Variants in PDS5B observed in about 807,000 individuals in gnomAD.
PDS5B encodes the protein PDS5 cohesin associated factor B.
In PDS5B, 51 loss-of-function variants were observed where a neutral mutation model predicts 184.1. The observed-to-expected ratio is 0.28, with a 90% CI of 0.22 to 0.35. The LOEUF is 0.35. Among genes scored for constraint, PDS5B ranks in the 10% least tolerant of loss-of-function variants. The probability of loss-of-function intolerance (pLI) is 1.00; values close to 1 mark genes in which losing one functional copy is unlikely to be tolerated. For missense variants in PDS5B, 1,180 were observed against 1,723.3 expected, an observed-to-expected ratio of 0.68 and a Z score of 5.58; for synonymous variants, 566 against 569.2, an observed-to-expected ratio of 0.99 and a Z score of 0.08.
Position 32,774,597 on chromosome 13 carries a change from A to C in PDS5B, c.4309-420A>C, listed in dbSNP as rs117117429. ...TTTTAGGTTATTTTACTGTATTGAT[A>C]ATTGTTAAGATCCAAACTCAGTAAC... is the stretch of plus-strand genomic sequence containing the variant. On this transcript the variant is annotated intron_variant, in intron 34 of 34. Transcript: ENST00000315596. Among the ~76,000 whole-genome samples the C allele has an allele frequency of 3.2e-4, 48 of 152,340 alleles. No individual in the cohort carries two copies. In the East Asian group the frequency reaches 6.2e-3, roughly 20 times the overall value.
chr13:32,663,862 G>A lies in PDS5B; in HGVS notation c.625-3902G>A, dbSNP rs141420101. Among the ~76,000 whole-genome samples, 88 of 152,128 alleles carry A rather than the reference G, an allele frequency of 5.8e-4. 3 individuals carry two copies. The East Asian group carries it at 0.016, about 28-fold the overall frequency. ...CCAATGTGTACACAATGTGTTTTTT[G>A]TCTCTTGTTCCCTCTCTGCCTTCTG... On this transcript the variant is annotated intron_variant, in intron 6 of 34. Transcript: ENST00000315596.
intron 10 of PDS5B, among the ~76,000 whole-genome samples, chr13:32,682,432 CACATA>C (rs1021373867): frequency 6.6e-6 from 1 of 152,138 alleles, no homozygotes; most frequent in African/African-American, 2.4e-5. Flanking sequence ...TGGCTGCTTT[CACATA>C]ACATGTTTTT....
Position 32,635,187 on chromosome 13 carries a change from T to G in PDS5B, c.-19-13567T>G, listed in dbSNP as rs1181862827. ...CCAATTACGTTTTTTTTTTTTTTTT[T>G]TTTTTTTTTTTTTTTTTTTTTTTTT... On this transcript the variant is annotated intron_variant, in intron 1 of 34. Coordinates refer to ENST00000315596, the MANE Select transcript of PDS5B (RefSeq NM_015032.4). Among the ~76,000 whole-genome samples the G allele has an allele frequency of 4.0e-3, 60 of 14,996 alleles. 1 individual carries two copies. The highest frequency in any genetic ancestry group is 6.8e-3 in the Admixed American group (8 of 1,176). 9.8% of individuals were successfully genotyped at this position (14,996 alleles called of 152,430 possible).
At chr13:32,706,422 T>C (rs7326314) in intron 17 of PDS5B, among the ~76,000 whole-genome samples, 56,269 of 151,962 alleles carry the variant, frequency 0.37, 11,038 homozygotes, top group Non-Finnish European at 0.44. Context: ...AATGAGGTTT[T>C]ATTGTATGTC....
chr13:32,757,351 T>C (rs1247771213), intron 26 of PDS5B, among the ~76,000 whole-genome samples: 4 of 152,148 alleles, frequency 2.6e-5, no homozygotes, highest in African/African-American at 7.2e-5. Flanking sequence ...GAAGAACTTA[T>C]CCTATACCTA....
chr13:32,721,170 C>T lies in PDS5B; in HGVS notation c.2124-10931C>T, dbSNP rs190339841. On this transcript the variant is annotated intron_variant, in intron 19 of 34. Coordinates refer to ENST00000315596, the MANE Select transcript of PDS5B (RefSeq NM_015032.4). ...TGAGCTGTTGGGTACACCTCCCAGA[C>T]GGCGTGGTGGCTGGGCAGAGGGGCT... Among the ~76,000 whole-genome samples the T allele has an allele frequency of 6.3e-3, 956 of 152,342 alleles. 16 individuals are homozygous for T. Among genetic ancestry groups the T allele is most frequent in the African/African-American group, 0.021 (875 of 41,580 alleles).
intron 1 of PDS5B, among the ~76,000 whole-genome samples, chr13:32,620,081 G>A (rs1175709623): frequency 6.6e-6 from 1 of 152,106 alleles, no homozygotes; most frequent in Non-Finnish European, 1.5e-5. Flanking sequence ...TTACAGTCAT[G>A]AGCCAATGCA....
intron 7 of PDS5B, among the ~76,000 whole-genome samples, chr13:32,669,069 G>A (rs1950868936): frequency 6.6e-6 from 1 of 152,164 alleles, no homozygotes. Context: ...TAAGTTACGG[G>A]TACTGGCTGA....
Position 32,710,059 on chromosome 13 carries a change from CA to C in PDS5B, c.2081del (p.Asn694ThrfsTer62). 1 of 1,532,274 alleles carries C rather than the reference CA, an allele frequency of 6.5e-7. No homozygotes were observed. The highest frequency in any genetic ancestry group is 8.9e-7 in the Non-Finnish European group (1 of 1,127,516). 94.9% of individuals were successfully genotyped at this position (1,532,274 alleles called of 1,614,324 possible). A position where few individuals can be genotyped will look rare whatever the true frequency, so the allele number is the denominator to read the frequency against. On this transcript the variant is annotated frameshift_variant, in exon 19 of 35. Transcript: ENST00000315596. LOFTEE classifies it high-confidence loss of function. ...TAGCAGAAGCTGCACTACAAATTTT[CA>C]AAAACACAGGAAGCAAAATTGAAGA... Reference protein sequence around the residue: ...KVAEAALQIFKNTGSKIEEDF... With the variant: ...KVAEAALQIFXNTGSKIEEDF...
intron 20 of PDS5B, among the ~76,000 whole-genome samples, chr13:32,732,552 T>C (rs1470001631): frequency 6.6e-6 from 1 of 152,144 alleles, no homozygotes; most frequent in African/African-American, 2.4e-5. Context: ...TATTCTTTCA[T>C]TTGTAGGATC....
At chr13:32,616,972 T>C (rs1272258369) in intron 1 of PDS5B, among the ~76,000 whole-genome samples, 1 of 152,228 alleles carries the variant, frequency 6.6e-6, no homozygotes, top group Non-Finnish European at 1.5e-5. Context: ...TCCTGTGCAT[T>C]TTCTTCTTTT....
At chr13:32,686,966 A>G (rs1308771184) in intron 11 of PDS5B, among the ~76,000 whole-genome samples, 168 bp from the exon 12 acceptor site, 1 of 152,164 alleles carries the variant, frequency 6.6e-6, no homozygotes, top group Non-Finnish European at 1.5e-5. Flanking sequence ...TTTATGTGAT[A>G]GTTGTGTTTT....
At chr13:32,748,875 T>C (rs1446242949) in intron 24 of PDS5B, among the ~76,000 whole-genome samples, 1 of 152,194 alleles carries the variant, frequency 6.6e-6, no homozygotes, top group East Asian at 1.9e-4. Context: ...TACAGATAAT[T>C]CTGTCCTTTG....
chr13:32,722,509 A>G (rs1952753020), intron 19 of PDS5B, among the ~76,000 whole-genome samples: 1 of 152,176 alleles, frequency 6.6e-6, no homozygotes, highest in African/African-American at 2.4e-5. Context: ...GTAGTCTAGG[A>G]GCAATAGGTC....
chr13:32,613,542 GA>G (rs2058173296), intron 1 of PDS5B, among the ~76,000 whole-genome samples: 2 of 152,056 alleles, frequency 1.3e-5, no homozygotes, highest in South Asian at 4.2e-4. Flanking sequence ...ATCTTCTCTG[GA>G]AAACTGTCTA....
At chr13:32,591,439 G>A (rs2057774387) in intron 1 of PDS5B, among the ~76,000 whole-genome samples, 1 of 152,034 alleles carries the variant, frequency 6.6e-6, no homozygotes, top group African/African-American at 2.4e-5. Flanking sequence ...TTTTAACTGT[G>A]ATTTACTTTT....
chr13:32,654,232 C>T (rs1281556152), intron 3 of PDS5B, among the ~76,000 whole-genome samples: 1 of 152,084 alleles, frequency 6.6e-6, no homozygotes, highest in Admixed American at 6.6e-5. Flanking sequence ...ATTCGTATAT[C>T]TGTATGTCTA....
At chr13:32,755,821 T>G in intron 25 of PDS5B, 21 bp from the exon 26 acceptor site, 1 of 1,095,102 alleles carries the variant, frequency 9.1e-7, no homozygotes, top group South Asian at 1.6e-5. Context: ...TTTTTGTTTG[T>G]TTGTTTGTTT....
intron 30 of PDS5B, among the ~76,000 whole-genome samples, chr13:32,761,587 G>A (rs1819641573): frequency 1.3e-5 from 2 of 152,166 alleles, no homozygotes; most frequent in South Asian, 4.1e-4. Flanking sequence ...TGCTGTTCCT[G>A]TGTTAATTTG....
Sources: allele counts gnomAD v4.1 joint callset (sites outside exome capture counted in the v4.1 genomes callset), GRCh38; gene constraint gnomAD v4.1.1; transcripts MANE v1.5; gene names NCBI Gene and HGNC (gene_info 2026-07-23, HGNC 2026-07-21).